ZNF267: variants seen among roughly 807,000 people sequenced by gnomAD.
The protein encoded by ZNF267 is zinc finger (C2H2).
In ZNF267, 61 loss-of-function variants were observed where a neutral mutation model predicts 71.6. That is an observed-to-expected ratio of 0.85 (90% CI 0.69 to 1.05). The LOEUF (loss-of-function observed/expected upper bound fraction) is 1.05, where lower values mean the gene tolerates loss of function less well. Ranked by LOEUF, ZNF267 falls within the 50% of genes least tolerant of loss-of-function variation. The pLI is 0.00. For synonymous variants in ZNF267, 288 were observed against 293.2 expected (o/e 0.98, Z 0.18); for missense variants, 852 against 870.0 (o/e 0.98, Z 0.26).
At chr16:31,899,236 T>C (rs1345887029) in intron 3 of ZNF267, among the ~76,000 whole-genome samples, 1 of 152,208 alleles carries the variant, frequency 6.6e-6, no homozygotes, top group African/African-American at 2.4e-5. Context: ...TACATTCTTC[T>C]TAGCACCACA....
chr16:31,897,464 A>C (rs535904859), intron 3 of ZNF267, among the ~76,000 whole-genome samples: 135 of 152,206 alleles, frequency 8.9e-4, no homozygotes, highest in African/African-American at 2.9e-3. Flanking sequence ...ATCATCTATA[A>C]TACTTGTCTG....
chr16:31,889,043 C>T (rs1162318815), intron 3 of ZNF267, among the ~76,000 whole-genome samples: 1 of 151,620 alleles, frequency 6.6e-6, no homozygotes, highest in African/African-American at 2.4e-5. Context: ...TTCTAAGAAT[C>T]AATTTCTTCT....
chr16:31,873,835 C>G lies in ZNF267; in HGVS notation c.-132C>G. The G allele has an allele frequency of 7.7e-7, 1 of 1,304,018 alleles. No individual in the cohort carries two copies. The highest frequency in any genetic ancestry group is 1.1e-6 in the Non-Finnish European group (1 of 908,566). The allele number at this position is 1,304,018 out of a possible 1,614,324, so 80.8% of individuals were successfully genotyped here. ...TAGAGCTCGGGTCTCCTCGCCACAG[C>G]TCCGAGTCTTTCGTTCTGGGAGGCC... On this transcript the variant is annotated 5_prime_UTR_variant, in exon 1 of 4. Coordinates refer to ENST00000300870, the MANE Select transcript of ZNF267 (RefSeq NM_003414.6).
At chr16:31,881,670 CTT>C (rs747627467) in intron 1 of ZNF267, among the ~76,000 whole-genome samples, 8 of 125,500 alleles carry the variant, frequency 6.4e-5, no homozygotes, top group Admixed American at 1.6e-4. Flanking sequence ...TTTTCTTCTT[CTT>C]TTTTTTTTTT....
rs555500566 is a variant in ZNF267 at position 31,901,458 on chromosome 16, A to C, written c.227-13018A>C. 7.2e-5 allele frequency among the ~76,000 whole-genome samples: 11 copies of C among 152,016 alleles called. No homozygotes were observed. In the South Asian group the frequency reaches 2.3e-3, roughly 32 times the overall value. ...CCTATTTCTCCACATCCTCTCCAGCACTTGTTTCCTGACTTTTTAATGATC... is the reference window on the plus strand; with the variant it reads ...CCTATTTCTCCACATCCTCTCCAGCCCTTGTTTCCTGACTTTTTAATGATC... On this transcript the variant is annotated intron_variant, in intron 3 of 3. Transcript: ENST00000300870.
intron 3 of ZNF267, among the ~76,000 whole-genome samples, chr16:31,901,816 A>G (rs1417877597): frequency 6.6e-6 from 1 of 152,130 alleles, no homozygotes; most frequent in Non-Finnish European, 1.5e-5. Flanking sequence ...CCATTTGTCA[A>G]TTTTGGCTTT....
intron 3 of ZNF267, chr16:31,894,837 T>C (rs1270380743): frequency 1.9e-5 from 9 of 470,652 alleles, no homozygotes; most frequent in Non-Finnish European, 3.8e-5. Flanking sequence ...TGCCGTGAAC[T>C]CCTGTGGAGG....
At chr16:31,874,720 A>G (rs1255732439) in intron 1 of ZNF267, among the ~76,000 whole-genome samples, 1 of 152,178 alleles carries the variant, frequency 6.6e-6, no homozygotes, top group African/African-American at 2.4e-5. Context: ...TCATCTTAAC[A>G]CTGCCCAGGG....
chr16:31,886,621 G>A (rs1403960029), intron 3 of ZNF267, among the ~76,000 whole-genome samples: 2 of 152,166 alleles, frequency 1.3e-5, no homozygotes, highest in African/African-American at 4.8e-5. Context: ...TGCTGAAAAG[G>A]TTGGGTACTG....
chr16:31,915,189 A>T lies in ZNF267; in HGVS notation c.940A>T (p.Ile314Leu). The stretch of plus-strand genomic sequence containing the variant: ...TCAGTCATCAAATCTTAGAAAGCAG[A>T]TAATCCATAATGAAGAGAAACCATA... ...LSQSSNLRKQ[I>L]IHNEEKPYKC... Residue 314 changes from isoleucine to leucine, a missense_variant, in exon 4 of 4, where the codon ATA becomes TTA. By Grantham distance (5) the Ile-to-Leu change is conservative. Transcript: ENST00000300870. 4 of 1,613,220 alleles carry T rather than the reference A, an allele frequency of 2.5e-6. No homozygotes were observed. Among genetic ancestry groups the T allele is most frequent in the Non-Finnish European group, 3.4e-6 (4 of 1,179,754 alleles).
chr16:31,915,053 ATG>A lies in ZNF267; in HGVS notation c.806_807del (p.Cys269Ter). On this transcript the variant is annotated frameshift_variant, in exon 4 of 4. Transcript: ENST00000300870. LOFTEE classifies it high-confidence loss of function. ...GQEKQEQSYK[C>X]NKCVEVCTQS... ...AAGAGAAACAAGAACAGTCTTACAA[ATG>A]TAATAAATGTGTAGAAGTTTGTACC... is the stretch of plus-strand genomic sequence containing the variant. 1 of 1,613,030 alleles carries A rather than the reference ATG, an allele frequency of 6.2e-7. No individual in the cohort carries two copies. Among genetic ancestry groups the A allele is most frequent in the Non-Finnish European group, 8.5e-7 (1 of 1,179,694 alleles).
chr16:31,874,657 C>T (rs1033765883), intron 1 of ZNF267, among the ~76,000 whole-genome samples: 27 of 152,144 alleles, frequency 1.8e-4, no homozygotes, highest in African/African-American at 6.3e-4. Context: ...TGGTTTTTCT[C>T]CCTAGAAACC....
intron 3 of ZNF267, among the ~76,000 whole-genome samples, chr16:31,885,472 A>G (rs1169315408): frequency 6.6e-6 from 1 of 152,232 alleles, no homozygotes; most frequent in Admixed American, 6.5e-5. Flanking sequence ...ATCCGCCATC[A>G]TATTCACAGT....
At chr16:31,906,345 C>T (rs189006733) in intron 3 of ZNF267, among the ~76,000 whole-genome samples, 1 of 152,302 alleles carries the variant, frequency 6.6e-6, no homozygotes, top group East Asian at 1.9e-4. Flanking sequence ...TTACTGCTGC[C>T]TTTTATTTGT....
intron 3 of ZNF267, among the ~76,000 whole-genome samples, chr16:31,903,940 C>T (rs556435844): frequency 6.6e-6 from 1 of 152,162 alleles, no homozygotes; most frequent in Non-Finnish European, 1.5e-5. Context: ...ATAAATTTCC[C>T]TCTGCACACT....
intron 1 of ZNF267, among the ~76,000 whole-genome samples, chr16:31,882,171 A>G (rs1273314997): frequency 6.6e-6 from 1 of 152,220 alleles, no homozygotes; most frequent in African/African-American, 2.4e-5. Flanking sequence ...TTCCCAGCAC[A>G]GTACATACTG....
chr16:31,878,936 A>C (rs1174530516), intron 1 of ZNF267, among the ~76,000 whole-genome samples: 1 of 152,284 alleles, frequency 6.6e-6, no homozygotes, highest in Non-Finnish European at 1.5e-5. Context: ...TAAGGAAAGA[A>C]ATTTTTCTTT....
At position 31,888,212 on chromosome 16, in the gene ZNF267, G is replaced by A. The variant is rs147078288; in HGVS notation, c.226+2956G>A. ...ATGCTACTAATTTTTGTATATTTTT[G>A]TGGCCTCAACTTTACTGAATGGATA... On this transcript the variant is annotated intron_variant, in intron 3 of 3. Coordinates refer to ENST00000300870, the MANE Select transcript of ZNF267 (RefSeq NM_003414.6). 5.3e-5 allele frequency among the ~76,000 whole-genome samples: 8 copies of A among 151,826 alleles called. No homozygotes were observed. In the East Asian group the frequency reaches 1.4e-3, roughly 26 times the overall value.
intron 1 of ZNF267, chr16:31,874,183 C>A: frequency 1.9e-6 from 1 of 529,212 alleles, no homozygotes; most frequent in Non-Finnish European, 3.4e-6. Context: ...CCATCCCGAC[C>A]CCGCAGAGCG....
Sources: gnomAD v4.1 joint callset for allele counts (sites outside exome capture counted in the v4.1 genomes callset) on GRCh38, gnomAD v4.1.1 for gene constraint, MANE v1.5 for transcripts, NCBI Gene and HGNC (gene_info 2026-07-23, HGNC 2026-07-21) for gene names.